Variants in PIBF1 observed in about 807,000 individuals in gnomAD.
PIBF1 encodes progesterone-induced-blocking factor 1.
PIBF1 carries 90 observed loss-of-function variants against 112.5 expected under a neutral mutation model. That is an observed-to-expected ratio of 0.80 (90% CI 0.67 to 0.95). The LOEUF (loss-of-function observed/expected upper bound fraction) is 0.95, where lower values mean the gene tolerates loss of function less well. Among genes scored for constraint, PIBF1 ranks in the 40% least tolerant of loss-of-function variants. The pLI, the probability that PIBF1 is intolerant of heterozygous loss-of-function variation, is 0.00. For synonymous variants in PIBF1, 301 were observed against 288.6 expected, an observed-to-expected ratio of 1.04 and a Z score of -0.44; for missense variants, 915 against 852.3, an observed-to-expected ratio of 1.07 and a Z score of -0.92.
chr13:72,806,735 G>A (rs1401942189), intron 5 of PIBF1, among the ~76,000 whole-genome samples: 4 of 152,136 alleles, frequency 2.6e-5, no homozygotes, highest in Admixed American at 6.5e-5. Flanking sequence ...GTATTCCATG[G>A]TGTATATGTG....
intron 15 of PIBF1, among the ~76,000 whole-genome samples, chr13:72,971,093 T>C (rs953116308): frequency 6.6e-6 from 1 of 152,136 alleles, no homozygotes; most frequent in Admixed American, 6.6e-5. Context: ...TGAAGAATTA[T>C]CCAGTCAAAA....
chr13:72,916,705 A>G (rs1353626125), intron 12 of PIBF1, among the ~76,000 whole-genome samples: 4 of 152,084 alleles, frequency 2.6e-5, no homozygotes, highest in African/African-American at 9.7e-5. Context: ...TTTAAAAATC[A>G]TTTATCAAGA....
intron 9 of PIBF1, among the ~76,000 whole-genome samples, chr13:72,842,036 G>A (rs1274200266): frequency 6.6e-6 from 1 of 152,114 alleles, no homozygotes; most frequent in East Asian, 1.9e-4. Flanking sequence ...ATATTCTTAA[G>A]TGTTTATCTC....
chr13:72,939,761 C>T (rs2041963567), intron 14 of PIBF1, among the ~76,000 whole-genome samples: 1 of 152,044 alleles, frequency 6.6e-6, no homozygotes, highest in Non-Finnish European at 1.5e-5. Context: ...AATGGATTTG[C>T]TGGGTTCACC....
At chr13:72,891,196 T>C (rs1404191435) in intron 10 of PIBF1, among the ~76,000 whole-genome samples, 1 of 152,198 alleles carries the variant, frequency 6.6e-6, no homozygotes, top group Non-Finnish European at 1.5e-5. Flanking sequence ...TGCTAAAAGC[T>C]AAGTCTTTAA....
intron 17 of PIBF1, among the ~76,000 whole-genome samples, chr13:73,007,027 G>T (rs2044051846): frequency 6.6e-6 from 1 of 150,732 alleles, no homozygotes; most frequent in South Asian, 2.1e-4. Flanking sequence ...TAATGTGTAT[G>T]TAAAATATAT....
chr13:72,973,707 AT>A, intron 16 of PIBF1, 32 bp downstream of exon 16: 1 of 1,258,958 alleles, frequency 7.9e-7, no homozygotes, highest in Non-Finnish European at 1.1e-6. Context: ...AATTGTAATC[AT>A]TTTAGGCTTT....
Position 72,908,550 on chromosome 13 carries a change from A to G in PIBF1, c.1508A>G (p.Tyr503Cys), listed in dbSNP as rs144610914. Reference protein sequence around the residue: ...KKLEVLTKEFYSLQASSEKRI... With the variant: ...KKLEVLTKEFCSLQASSEKRI... ...TATTAGGTTTTAACCAAAGAATTTT[A>G]TAGTCTCCAAGCCTCTTCTGAAAAA... Residue 503 changes from tyrosine to cysteine, a missense_variant, in exon 12 of 18, where the codon TAT (tyrosine) becomes TGT (cysteine). Tyr to Cys is a radical substitution (Grantham distance 194). Coordinates refer to ENST00000326291, the MANE Select transcript of PIBF1 (RefSeq NM_006346.4). 110 of 1,603,650 alleles carry G rather than the reference A, an allele frequency of 6.9e-5. No homozygotes were observed. The highest frequency in any genetic ancestry group is 5.5e-5 in the Non-Finnish European group (65 of 1,176,168).
At chr13:72,900,735 A>G (rs1196677438) in intron 11 of PIBF1, among the ~76,000 whole-genome samples, 1 of 152,186 alleles carries the variant, frequency 6.6e-6, no homozygotes, top group Non-Finnish European at 1.5e-5. Context: ...CAATAAAAAC[A>G]AAGCTGGCCA....
At chr13:72,819,695 C>A (rs896863438) in intron 5 of PIBF1, among the ~76,000 whole-genome samples, 4 of 151,754 alleles carry the variant, frequency 2.6e-5, no homozygotes, top group Non-Finnish European at 1.5e-5. Context: ...TATAAAATAG[C>A]CAAAAAAGAG....
intron 5 of PIBF1, among the ~76,000 whole-genome samples, chr13:72,817,706 C>T (rs2036343389): frequency 6.6e-6 from 1 of 152,088 alleles, no homozygotes; most frequent in Admixed American, 6.5e-5. Context: ...TTAGTCTTCC[C>T]ACAAAGGTTG....
At chr13:72,954,513 T>C (rs1432755279) in intron 14 of PIBF1, among the ~76,000 whole-genome samples, 2 of 152,226 alleles carry the variant, frequency 1.3e-5, no homozygotes, top group Non-Finnish European at 2.9e-5. Flanking sequence ...ATGGCTTTCC[T>C]CCATCCCCGC....
At chr13:72,994,161 G>A (rs771160379) in intron 16 of PIBF1, among the ~76,000 whole-genome samples, 19 of 151,916 alleles carry the variant, frequency 1.3e-4, no homozygotes, top group Non-Finnish European at 2.2e-4. Flanking sequence ...GGCCGGAGGC[G>A]GGGAAGGGAG....
At chr13:72,860,285 C>T (rs931263707) in intron 10 of PIBF1, among the ~76,000 whole-genome samples, 2 of 148,902 alleles carry the variant, frequency 1.3e-5, no homozygotes, top group Non-Finnish European at 3.0e-5. Flanking sequence ...TTCTGTAGTT[C>T]GCTTTCCCTG....
chr13:72,958,182 GC>G (rs2042501584), intron 14 of PIBF1, among the ~76,000 whole-genome samples: 1 of 151,388 alleles, frequency 6.6e-6, no homozygotes, highest in Admixed American at 6.6e-5. Flanking sequence ...TCTAGATCCT[GC>G]CCTCAGAGGT....
At chr13:72,949,298 G>GTTTTTTTTT (rs1566481285) in intron 14 of PIBF1, among the ~76,000 whole-genome samples, 3 of 80,910 alleles carry the variant, frequency 3.7e-5, no homozygotes, top group Admixed American at 1.4e-4. Flanking sequence ...ACAAATAGCT[G>GTTTTTTTTT]TCTTTTTTTT....
In PIBF1 at chr13:72,936,008, T is replaced by TTTTATTTATTTA. The variant is rs139965738; in HGVS notation, c.1833+4756_1833+4767dup. Among the ~76,000 whole-genome samples the TTTTATTTATTTA allele has an allele frequency of 7.5e-3, 1,115 of 149,430 alleles. 14 individuals carry two copies. Among genetic ancestry groups the TTTTATTTATTTA allele is most frequent in the Middle Eastern group, 0.014 (4 of 284 alleles). ...ATCTTTTCACCTCTTAATGATGTCTTTTTATTTATTTATTTATTTATTTAT... is the reference window on the plus strand; with the variant it reads ...ATCTTTTCACCTCTTAATGATGTCTTTTTATTTATTTATTTATTTATTTATTTATTTATTTAT... On this transcript the variant is annotated intron_variant, in intron 14 of 17. Transcript: ENST00000326291.
chr13:72,805,291 C>T (rs535260019), intron 5 of PIBF1, among the ~76,000 whole-genome samples: 24 of 152,268 alleles, frequency 1.6e-4, no homozygotes, highest in Admixed American at 1.3e-3. Flanking sequence ...TACAGGCACA[C>T]GCCACGACGC....
chr13:72,927,960 C>T (rs5028592), intron 13 of PIBF1, among the ~76,000 whole-genome samples: 72,288 of 111,570 alleles, frequency 0.65, 22,083 homozygotes, highest in South Asian at 0.75. Context: ...TATATATATA[C>T]ACATATATAT....
Sources: allele counts gnomAD v4.1 joint callset (sites outside exome capture counted in the v4.1 genomes callset), GRCh38; gene constraint gnomAD v4.1.1; transcripts MANE v1.5; gene names NCBI Gene and HGNC (gene_info 2026-07-23, HGNC 2026-07-21).